The following CADM2 variants were observed in gnomAD, a reference collection of about 807,000 sequenced individuals.
CADM2 encodes immunoglobulin superfamily member 4D.
CADM2 carries 12 observed loss-of-function variants against 49.8 expected under a neutral mutation model. That is an observed-to-expected ratio of 0.24 (90% CI 0.15 to 0.39). The LOEUF is 0.39. CADM2 is among the 10% of genes least tolerant of loss of function. The pLI is 1.00. For synonymous variants in CADM2, 214 were observed against 175.4 expected (o/e 1.22, Z -1.74); for missense variants, 378 against 492.3 (o/e 0.77, Z 2.20).
chr3:85,682,488 A>T (rs1205777748), intron 1 of CADM2, among the ~76,000 whole-genome samples: 1 of 152,102 alleles, frequency 6.6e-6, no homozygotes, highest in Non-Finnish European at 1.5e-5. Flanking sequence ...TCTGTTGAGC[A>T]TTAAAAGAAG....
intron 1 of CADM2, among the ~76,000 whole-genome samples, chr3:85,346,320 T>A (rs1276357169): frequency 6.6e-6 from 1 of 152,194 alleles, no homozygotes; most frequent in Non-Finnish European, 1.5e-5. Flanking sequence ...GACAAATAGA[T>A]CTACTACACT....
At chr3:85,181,409 A>G (rs2040930560) in intron 1 of CADM2, among the ~76,000 whole-genome samples, 1 of 152,092 alleles carries the variant, frequency 6.6e-6, no homozygotes, top group Non-Finnish European at 1.5e-5. Flanking sequence ...TTTCATTGAG[A>G]TGAAAAAAGT....
chr3:85,971,898 A>ATT (rs1344125437), intron 8 of CADM2, among the ~76,000 whole-genome samples: 1 of 151,706 alleles, frequency 6.6e-6, no homozygotes, highest in South Asian at 2.1e-4. Context: ...TACTTTTCAT[A>ATT]TTTTAAGAAC....
intron 8 of CADM2, among the ~76,000 whole-genome samples, chr3:85,977,228 T>C (rs948864445): frequency 2.0e-5 from 3 of 151,334 alleles, no homozygotes; most frequent in Non-Finnish European, 4.4e-5. Flanking sequence ...TCTTAATAAT[T>C]CAGTGATGGG....
chr3:86,004,288 A>G (rs867506443), intron 8 of CADM2, among the ~76,000 whole-genome samples: 4 of 152,360 alleles, frequency 2.6e-5, no homozygotes, highest in South Asian at 2.1e-4. Flanking sequence ...CGCAAACACT[A>G]AAATCTGAGA....
intron 7 of CADM2, among the ~76,000 whole-genome samples, chr3:85,955,695 A>G (rs1723969786): frequency 6.6e-6 from 1 of 151,576 alleles, no homozygotes. Context: ...TTAAATAAAA[A>G]TCAACATCTG....
chr3:85,489,292 A>G (rs1320290425), intron 1 of CADM2, among the ~76,000 whole-genome samples: 1 of 152,160 alleles, frequency 6.6e-6, no homozygotes, highest in Admixed American at 6.5e-5. Context: ...TTCCGATGTG[A>G]TTAGACTGAT....
intron 8 of CADM2, among the ~76,000 whole-genome samples, chr3:86,044,174 C>G (rs184401261): frequency 9.5e-4 from 144 of 152,246 alleles, no homozygotes; most frequent in Middle Eastern, 6.8e-3. Flanking sequence ...GTCTAAAACA[C>G]AAAAAGCAAC....
At chr3:85,046,470 A>G (rs993421684) in intron 1 of CADM2, among the ~76,000 whole-genome samples, 7 of 151,984 alleles carry the variant, frequency 4.6e-5, no homozygotes, top group African/African-American at 1.7e-4. Flanking sequence ...TATAAAGTGT[A>G]AAACACAGTA....
intron 1 of CADM2, among the ~76,000 whole-genome samples, chr3:85,421,400 G>T (rs2036164207): frequency 6.6e-6 from 1 of 152,050 alleles, no homozygotes; most frequent in Non-Finnish European, 1.5e-5. Context: ...AATTATGGTT[G>T]TCATCTCTTC....
chr3:85,078,337 A>G (rs1031139175), intron 1 of CADM2, among the ~76,000 whole-genome samples: 5 of 152,044 alleles, frequency 3.3e-5, no homozygotes, highest in African/African-American at 9.7e-5. Flanking sequence ...TGACATTAAT[A>G]TAAATAAACT....
intron 3 of CADM2, among the ~76,000 whole-genome samples, chr3:85,833,495 A>G (rs2074272466): frequency 6.6e-6 from 1 of 151,598 alleles, no homozygotes; most frequent in African/African-American, 2.4e-5. Context: ...TTCATTACTG[A>G]TGCAATTTCA....
chr3:85,940,163 A>C (rs7631472), intron 7 of CADM2, among the ~76,000 whole-genome samples: 1 of 105,370 alleles, frequency 9.5e-6, no homozygotes, highest in Non-Finnish European at 1.9e-5. Context: ...TACTAAAAAT[A>C]CAAAAAAAAA....
chr3:85,418,275 T>C (rs946569382), intron 1 of CADM2, among the ~76,000 whole-genome samples: 2 of 152,128 alleles, frequency 1.3e-5, no homozygotes, highest in African/African-American at 4.8e-5. Flanking sequence ...AACCCTAATG[T>C]AAACTATGAA....
At chr3:85,644,584 A>G (rs927286495) in intron 1 of CADM2, among the ~76,000 whole-genome samples, 1 of 152,114 alleles carries the variant, frequency 6.6e-6, no homozygotes, top group Non-Finnish European at 1.5e-5. Context: ...AACGTTCCAA[A>G]CCAAAAGTGT....
At position 84,967,207 on chromosome 3, in the gene CADM2, A is replaced by ATTGTAAGG. The variant is rs2031066646; in HGVS notation, c.61+7540_61+7547dup. Among the ~76,000 whole-genome samples the ATTGTAAGG allele has an allele frequency of 3.9e-5, 6 of 152,212 alleles. No homozygotes were observed. The South Asian group carries it at 1.2e-3, about 32-fold the overall frequency. On this transcript the variant is annotated intron_variant, in intron 1 of 9. Coordinates refer to ENST00000383699, the MANE Select transcript of CADM2 (RefSeq NM_001167675.2). ...AATTTATAAAGCCAATTAATTTATT[A>ATTGTAAGG]TTGTAAGGAAATATTTTTACCTTTA...
At chr3:85,828,528 C>T (rs536944832) in intron 3 of CADM2, among the ~76,000 whole-genome samples, 6 of 151,942 alleles carry the variant, frequency 3.9e-5, no homozygotes, top group Admixed American at 1.3e-4. Flanking sequence ...CCACAGTTAG[C>T]ACATCAGAGT....
chr3:84,960,813 G>A (rs2030437062), intron 1 of CADM2, among the ~76,000 whole-genome samples: 1 of 152,160 alleles, frequency 6.6e-6, no homozygotes, highest in Non-Finnish European at 1.5e-5. Flanking sequence ...AAATGGCAAT[G>A]CATAGTACAG....
At chr3:85,665,284 G>A (rs1236590854) in intron 1 of CADM2, among the ~76,000 whole-genome samples, 1 of 151,728 alleles carries the variant, frequency 6.6e-6, no homozygotes, top group African/African-American at 2.4e-5. Flanking sequence ...TTATATTTAT[G>A]TAAGACGAAT....
Sources: allele counts gnomAD v4.1 joint callset (sites outside exome capture counted in the v4.1 genomes callset), GRCh38; gene constraint gnomAD v4.1.1; transcripts MANE v1.5; gene names NCBI Gene and HGNC (gene_info 2026-07-23, HGNC 2026-07-21).